TCIRG1: variants seen among roughly 807,000 people sequenced by gnomAD.
The protein encoded by TCIRG1 is T cell immune regulator 1, ATPase H+ transporting V0 subunit a3.
TCIRG1 carries 86 observed loss-of-function variants against 95.5 expected under a neutral mutation model. The observed-to-expected ratio is 0.90, with a 90% CI of 0.76 to 1.08. The LOEUF is 1.08. TCIRG1 is among the 50% of genes least tolerant of loss of function. The pLI is 0.00. For synonymous variants in TCIRG1, 499 were observed against 501.3 expected (o/e 1.00, Z 0.06); for missense variants, 1,069 against 1,140.2 (o/e 0.94, Z 0.90).
chr11:68,041,718 C>T, intron 2 of TCIRG1, 35 bp from the exon 3 acceptor site: 1 of 1,575,284 alleles, frequency 6.3e-7, no homozygotes, highest in Non-Finnish European at 8.7e-7. Flanking sequence ...TGACCCCCTT[C>T]CCGGGACACT....
rs1218313314 is a variant in TCIRG1, at chr11:68,047,479, C to T, written c.1212C>T (p.Phe404=). 1.3e-5 allele frequency: 21 copies of T among 1,613,894 alleles called. No individual in the cohort carries two copies. The highest frequency in any genetic ancestry group is 2.2e-5 in the East Asian group (1 of 44,890). The change falls in exon 11 of 20, where the codon TTC becomes TTT. Residue 404 remains phenylalanine, a synonymous_variant. Coordinates refer to ENST00000265686, the MANE Select transcript of TCIRG1 (RefSeq NM_006019.4). ...ITFPFLFAVM[F]GDVGHGLLMF... ...TCCCCTTCCTGTTTGCTGTGATGTTCGGGGATGTGGGCCACGGGCTGCTCA... is the reference window on the plus strand; with the variant it reads ...TCCCCTTCCTGTTTGCTGTGATGTTTGGGGATGTGGGCCACGGGCTGCTCA...
chr11:68,043,879 T>TGCAACAGCA lies in TCIRG1; in HGVS notation c.781_789dup (p.Gln261_Gln263dup). On this transcript the variant is annotated inframe_insertion, in exon 8 of 20. Coordinates refer to ENST00000265686, the MANE Select transcript of TCIRG1 (RefSeq NM_006019.4). ...GCCCGCCTCGGGGCCCTGCAGCAGC[T>TGCAACAGCA]GCAACAGCAGAGCCAGGAGCTGCAG... 1 of 1,563,134 alleles carries TGCAACAGCA rather than the reference T, an allele frequency of 6.4e-7. No homozygotes were observed. The highest frequency in any genetic ancestry group is 8.7e-7 in the Non-Finnish European group (1 of 1,154,542).
At chr11:68,043,295 G>T (rs561163225) in intron 5 of TCIRG1, 76 bp from the exon 6 acceptor site, 2 of 1,513,260 alleles carry the variant, frequency 1.3e-6, no homozygotes, top group South Asian at 1.2e-5. Flanking sequence ...TGCTGGGCAG[G>T]GTCCTGCCCG....
Position 68,047,884 on chromosome 11 carries a change from A to G in TCIRG1, c.1466A>G (p.Asp489Gly). 1.2e-6 allele frequency: 2 copies of G among 1,613,548 alleles called. No individual in the cohort carries two copies. Among genetic ancestry groups the G allele is most frequent in the Non-Finnish European group, 1.7e-6 (2 of 1,179,960 alleles). The change falls in exon 13 of 20, where the codon GAT becomes GGT. Residue 489 changes from aspartate (D) to glycine (G), a missense_variant and splice_region_variant. Coordinates refer to ENST00000265686, the MANE Select transcript of TCIRG1 (RefSeq NM_006019.4). ...CGCCCTCCCCTGCGTTGCCGCAGTG[A>G]TGCATTCCTGGCCCAGCACACGATG... is the stretch of plus-strand genomic sequence containing the variant. ...AAMANQSGWS[D>G]AFLAQHTMLT...
In TCIRG1 at chr11:68,047,668, G is replaced by A; in HGVS notation, c.1327G>A (p.Gly443Ser). 6.2e-7 allele frequency: 1 copy of A among 1,613,460 alleles called. No individual in the cohort carries two copies. The highest frequency in any genetic ancestry group is 8.5e-7 in the Non-Finnish European group (1 of 1,179,996). Residue 443 changes from glycine to serine, a missense_variant, in exon 12 of 20, where the codon GGC becomes AGC. Physicochemically the swap from Gly to Ser is moderately conservative, Grantham distance 56. Transcript: ENST00000265686. ...QNEIWQTFFR[G>S]RYLLLLMGLF... The stretch of plus-strand genomic sequence containing the variant: ...CCAGATCTGGCAGACTTTCTTCAGG[G>A]GCCGCTACCTGCTCCTGCTTATGGG...
chr11:68,048,186 C>A, intron 13 of TCIRG1: 1 of 638,290 alleles, frequency 1.6e-6, no homozygotes, highest in Admixed American at 2.2e-5. Context: ...CAGCCAGGAA[C>A]CAGTCTCCTG....
chr11:68,047,967 G>A lies in TCIRG1; in HGVS notation c.1549G>A (p.Asp517Asn), dbSNP rs369264588. ...CCTGGGACCCTACCCCTTTGGCATC[G>A]ATCCTGTGAGTCCTGGGATGGAGTG... ...VFLGPYPFGI[D>N]PIWSLAANHL... Residue 517 changes from aspartate (D) to asparagine (N), a missense_variant, in exon 13 of 20, where the codon GAT (aspartate) becomes AAT (asparagine). Transcript: ENST00000265686. The A allele has an allele frequency of 3.0e-5, 48 of 1,613,400 alleles. No homozygotes were observed. Among genetic ancestry groups the A allele is most frequent in the Non-Finnish European group, 3.6e-5 (42 of 1,179,812 alleles).
chr11:68,040,555 C>T (rs1460661712), intron 1 of TCIRG1, among the ~76,000 whole-genome samples: 1 of 152,216 alleles, frequency 6.6e-6, no homozygotes, highest in Non-Finnish European at 1.5e-5. Flanking sequence ...CACAGAGGGG[C>T]CCTGGGCCCT....
chr11:68,049,188 G>A lies in TCIRG1; in HGVS notation c.1781G>A (p.Cys594Tyr), dbSNP rs779298401. Residue 594 changes from cysteine (C) to tyrosine (Y), a missense_variant, in exon 15 of 20, where the codon TGT (cysteine) becomes TAT (tyrosine). Physicochemically the swap from Cys to Tyr is radical, Grantham distance 194. Transcript: ENST00000265686. ...LVFLVIYKWL[C>Y]VWAARAASAP... is the part of the protein sequence containing the mutation. ...TTCCTAGTCATCTACAAGTGGCTGT[G>A]TGTCTGGGCTGCCAGGGCCGCCTCG... The A allele has an allele frequency of 6.2e-7, 1 of 1,613,940 alleles. No homozygotes were observed. Among genetic ancestry groups the A allele is most frequent in the South Asian group, 1.1e-5 (1 of 91,090 alleles).
At position 68,044,135 on chromosome 11, in the gene TCIRG1, C is replaced by T. The variant is rs955301667; in HGVS notation, c.811C>T (p.Leu271Phe). ...QQQSQELQEV[L>F]GETERFLSQV... is the part of the protein sequence containing the mutation. ...CTGACTGCCCACTCTGGCGCAGGTC[C>T]TCGGGGAGACAGAGCGGTTCCTGAG... is the stretch of plus-strand genomic sequence containing the variant. Residue 271 changes from leucine (L) to phenylalanine (F), a missense_variant, in exon 9 of 20, where the codon CTC (leucine) becomes TTC (phenylalanine). Leu to Phe is a conservative substitution (Grantham distance 22). Coordinates refer to ENST00000265686, the MANE Select transcript of TCIRG1 (RefSeq NM_006019.4). 6.5e-7 allele frequency: 1 copy of T among 1,548,498 alleles called. No individual in the cohort carries two copies. The highest frequency in any genetic ancestry group is 8.7e-7 in the Non-Finnish European group (1 of 1,147,024).
Position 68,050,086 on chromosome 11 carries a change from G to A in TCIRG1, c.2118+20G>A. ...GCCGAGGTGGGTGCAGTGCCTTCCT[G>A]GGGGTGGGACGGCTGAGGCCCTGCC... On this transcript the variant is annotated intron_variant, in intron 17 of 19. Coordinates refer to ENST00000265686, the MANE Select transcript of TCIRG1 (RefSeq NM_006019.4). The A allele has an allele frequency of 6.2e-7, 1 of 1,612,364 alleles. No homozygotes were observed. Among genetic ancestry groups the A allele is most frequent in the South Asian group, 1.1e-5 (1 of 91,076 alleles).
chr11:68,049,048 C>A (rs1177687561), intron 14 of TCIRG1, 33 bp from the exon 15 acceptor site: 1 of 1,612,520 alleles, frequency 6.2e-7, no homozygotes, highest in Non-Finnish European at 8.5e-7. Context: ...CCAGAGTGGG[C>A]CCCAGTGAGC....
At chr11:68,044,409 C>T (rs1474621086) in intron 9 of TCIRG1, 65 bp downstream of exon 9, 3 of 1,357,392 alleles carry the variant, frequency 2.2e-6, no homozygotes, top group Non-Finnish European at 3.0e-6. Context: ...GCGTTTCTGC[C>T]TCACTTCCAG....
Position 68,047,443 on chromosome 11 carries a change from C to A in TCIRG1, c.1176C>A (p.Thr392=). 1 of 1,614,062 alleles carries A rather than the reference C, an allele frequency of 6.2e-7. No homozygotes were observed. The highest frequency in any genetic ancestry group is 8.5e-7 in the Non-Finnish European group (1 of 1,180,010). ...RYQEVNPAPY[T]IITFPFLFAV... ...CACCTCTGCCCACAGCTCCCTACAC[C>A]ATCATCACCTTCCCCTTCCTGTTTG... The change falls in exon 11 of 20, where the codon ACC becomes ACA. Residue 392 remains threonine (T), a synonymous_variant. Transcript: ENST00000265686.
intron 14 of TCIRG1, 23 bp downstream of exon 14, chr11:68,049,020 G>A (rs1855651417): frequency 1.2e-6 from 2 of 1,612,952 alleles, no homozygotes; most frequent in African/African-American, 2.7e-5. Context: ...GCTGCCCGGG[G>A]GACGGGAGGC....
rs1161229165 is a variant in TCIRG1 at position 68,043,022 on chromosome 11, T to G, written c.494T>G (p.Leu165Arg). The change falls in exon 5 of 20, where the codon CTG (leucine) becomes CGG (arginine). Residue 165 changes from leucine to arginine, a missense_variant. Physicochemically the swap from Leu to Arg is moderately radical, Grantham distance 102. Coordinates refer to ENST00000265686, the MANE Select transcript of TCIRG1 (RefSeq NM_006019.4). Reference sequence around the variant, plus strand: ...GCCCCCGGGGGGCCGCACCAGGACCTGAGGGTCAAGTGAGTGAGGGATGAC... The same window carrying G: ...GCCCCCGGGGGGCCGCACCAGGACCGGAGGGTCAAGTGAGTGAGGGATGAC... Reference protein sequence around the residue: ...LQAPGGPHQDLRVNFVAGAVE... With the variant: ...LQAPGGPHQDRRVNFVAGAVE... 6.4e-7 allele frequency: 1 copy of G among 1,550,438 alleles called. No individual in the cohort carries two copies. The highest frequency in any genetic ancestry group is 1.4e-5 in the African/African-American group (1 of 72,956).
chr11:68,043,975 GCAGGAGGTGGGTGCCCTGGCCTGGCCTC>G (rs1252333807), intron 8 of TCIRG1, 68 bp downstream of exon 8: 1 of 1,388,964 alleles, frequency 7.2e-7, no homozygotes, highest in African/African-American at 1.4e-5. Context: ...GGAGGTGGGT[GCAGGAGGTGGGTGCCCTGGCCTGGCCTC>G]CAGGAGGTGG....
In TCIRG1 at chr11:68,044,155, C is replaced by A; in HGVS notation, c.831C>A (p.Phe277Leu). The A allele has an allele frequency of 1.3e-6, 2 of 1,550,998 alleles. No individual in the cohort carries two copies. Among genetic ancestry groups the A allele is most frequent in the Non-Finnish European group, 1.7e-6 (2 of 1,147,744 alleles). ...LQEVLGETERFLSQVLGRVLQ... is the reference protein window; with the variant it reads ...LQEVLGETERLLSQVLGRVLQ... ...AGGTCCTCGGGGAGACAGAGCGGTT[C>A]CTGAGCCAGGTGCTAGGCCGGGTGC... The change falls in exon 9 of 20, where the codon TTC (phenylalanine) becomes TTA (leucine). Residue 277 changes from phenylalanine to leucine, a missense_variant. By Grantham distance (22) the Phe-to-Leu change is conservative. Transcript: ENST00000265686.
At chr11:68,050,943 G>C (rs932947388), downstream of TCIRG1, 6 of 1,105,042 alleles carry the variant, frequency 5.4e-6, no homozygotes, top group Admixed American at 2.0e-5. Context: ...GCAGGTGGCA[G>C]GGTAGAAGGC....
Sources: gnomAD v4.1 joint callset for allele counts (sites outside exome capture counted in the v4.1 genomes callset) on GRCh38, gnomAD v4.1.1 for gene constraint, MANE v1.5 for transcripts, NCBI Gene and HGNC (gene_info 2026-07-23, HGNC 2026-07-21) for gene names.